The following FTCD variants were observed in gnomAD, a reference collection of about 807,000 sequenced individuals.
FTCD encodes formimidoyltransferase-cyclodeaminase.
Under a neutral mutation model 62.9 loss-of-function variants are expected in FTCD, and 76 were observed. The observed-to-expected ratio is 1.21, with a 90% CI of 1.00 to 1.46. FTCD has a LOEUF of 1.46. Among genes scored for constraint, FTCD ranks in the 40% most tolerant of loss-of-function variants. The pLI, the probability that FTCD is intolerant of heterozygous loss-of-function variation, is 0.00. For synonymous variants in FTCD, 397 were observed against 336.9 expected (o/e 1.18, Z -1.95); for missense variants, 845 against 751.3 (o/e 1.12, Z -1.46).
intron 2 of FTCD, 61 bp from the exon 3 acceptor site, chr21:46,153,096 G>C (rs551682409): frequency 2.9e-5 from 44 of 1,504,254 alleles, no homozygotes; most frequent in Admixed American, 4.0e-5. Flanking sequence ...GGAGCTCCAC[G>C]GGGTTCTCGG....
At chr21:46,144,152 A>G (rs2079074620) in intron 10 of FTCD, among the ~76,000 whole-genome samples, 1 of 150,828 alleles carries the variant, frequency 6.6e-6, no homozygotes. Flanking sequence ...GATGACTCAC[A>G]CTCTTTACCC....
At position 46,145,397 on chromosome 21, in the gene FTCD, C is replaced by T. The variant is rs113218816; in HGVS notation, c.1260+20G>A. The T allele has an allele frequency of 5.9e-6, 9 of 1,532,870 alleles. No individual in the cohort carries two copies. Among genetic ancestry groups the T allele is most frequent in the African/African-American group, 5.5e-5 (4 of 72,866 alleles). The allele number at this position is 1,532,870 out of a possible 1,614,324, so 95.0% of individuals were successfully genotyped here. ...CGCTGTTGGTGGGGCCCGGGGAGCC[C>T]TGCTGTGGCCGCCACTCACCAGGTA... On this transcript the variant is annotated intron_variant, in intron 10 of 13. Coordinates refer to ENST00000397746, the MANE Select transcript of FTCD (RefSeq NM_206965.2).
At chr21:46,147,608 T>A (rs976738281) in intron 7 of FTCD, among the ~76,000 whole-genome samples, 2 of 151,974 alleles carry the variant, frequency 1.3e-5, no homozygotes, top group African/African-American at 4.8e-5. Context: ...CAGCCAGACC[T>A]GTGCAGGCCG....
At position 46,146,272 on chromosome 21, in the gene FTCD, A is replaced by AG. The variant is rs747848507; in HGVS notation, c.961_962insC (p.Ile321ThrfsTer8). 6 of 1,600,100 alleles carry AG rather than the reference A, an allele frequency of 3.7e-6. No individual in the cohort carries two copies. On this transcript the variant is annotated frameshift_variant, in exon 8 of 14. Transcript: ENST00000397746. LOFTEE classifies it high-confidence loss of function. ...CGGGAGGGCAGAGGCTCACTCGATG[A>AG]TCCGCTCCTTAGGGCTGAAGGGGCA...
intron 7 of FTCD, among the ~76,000 whole-genome samples, chr21:46,148,099 A>G (rs2079190916): frequency 6.6e-6 from 1 of 152,170 alleles, no homozygotes; most frequent in African/African-American, 2.4e-5. Context: ...AAACTCTGGA[A>G]TTTCAGTAAT....
At chr21:46,151,517 G>A (rs2079273431) in intron 5 of FTCD, 41 bp downstream of exon 5, 3 of 1,567,612 alleles carry the variant, frequency 1.9e-6, no homozygotes, top group Non-Finnish European at 2.6e-6. Flanking sequence ...CCTTTCCCGA[G>A]GGGCTGGGTG....
At chr21:46,145,725 C>G in intron 9 of FTCD, 93 bp downstream of exon 9, 1 of 286,640 alleles carries the variant, frequency 3.5e-6, no homozygotes, top group Non-Finnish European at 5.7e-6. Context: ...ACCGCGCCCT[C>G]CCCACCCCGT....
At chr21:46,154,885 G>A (rs1556339) in intron 1 of FTCD, among the ~76,000 whole-genome samples, 1 of 152,182 alleles carries the variant, frequency 6.6e-6, no homozygotes, top group East Asian at 1.9e-4. Context: ...CTGGTGCTGC[G>A]CTCTGGGAGG....
intron 5 of FTCD, 80 bp from the exon 6 acceptor site, chr21:46,150,605 T>G: frequency 1.8e-5 from 25 of 1,402,082 alleles, no homozygotes; most frequent in Non-Finnish European, 2.4e-5. Flanking sequence ...GGCACTTGCA[T>G]TCCCCAGCTG....
intron 10 of FTCD, chr21:46,142,721 C>CG (rs1225234297): frequency 2.0e-5 from 3 of 152,246 alleles, no homozygotes; most frequent in African/African-American, 7.2e-5. Context: ...TTGCTGGTTT[C>CG]GGTGGCCAGC....
downstream of FTCD, chr21:46,136,473 G>A (rs777294350): frequency 1.2e-6 from 2 of 1,612,634 alleles, no homozygotes; most frequent in Admixed American, 3.3e-5. Context: ...CAGCGTCGAA[G>A]GTCCTGCTGT....
Position 46,150,114 on chromosome 21 carries a change from C to T in FTCD, c.906+5G>A, listed in dbSNP as rs1468591648. ...GTCCGACCCTTCCTCGGCAGCCCGG[C>T]CCACCAGCCTGATCCGCTGCTCCTC... On this transcript the variant is annotated splice_donor_5th_base_variant and intron_variant, in intron 7 of 13. Transcript: ENST00000397746. The T allele has an allele frequency of 5.0e-6, 8 of 1,609,638 alleles. No homozygotes were observed. The highest frequency in any genetic ancestry group is 5.9e-6 in the Non-Finnish European group (7 of 1,179,022).
chr21:46,143,477 C>G (rs1357978793), intron 10 of FTCD, among the ~76,000 whole-genome samples: 2 of 151,944 alleles, frequency 1.3e-5, no homozygotes, highest in Non-Finnish European at 2.9e-5. Context: ...AAGAGTTGTA[C>G]TAGATATAGA....
chr21:46,152,083 G>C lies in FTCD; in HGVS notation c.368-103C>G. ...GCTCCCTCCAGCCTAACCCAGGAAT[G>C]GGCCTCTACTGCACCCTCTCCTGGG... On this transcript the variant is annotated intron_variant, in intron 3 of 13. Transcript: ENST00000397746. The C allele has an allele frequency of 6.4e-6, 5 of 786,390 alleles. No homozygotes were observed. In the South Asian group the frequency reaches 8.1e-5, roughly 13 times the overall value. The allele number at this position is 786,390 out of a possible 1,614,324, so 48.7% of individuals were successfully genotyped here.
At chr21:46,136,720 C>T (rs1284542254), downstream of FTCD, 61 of 1,475,846 alleles carry the variant, frequency 4.1e-5, no homozygotes, top group Non-Finnish European at 5.2e-5. Context: ...TGCTCCTGCC[C>T]CAAGACCCGC....
intron 12 of FTCD, 66 bp from the exon 13 acceptor site, chr21:46,137,400 T>C: frequency 1.6e-6 from 2 of 1,219,204 alleles, no homozygotes; most frequent in Non-Finnish European, 2.4e-6. Flanking sequence ...GGAGGGTCTC[T>C]GCCTGACGGG....
In FTCD at chr21:46,154,367, C is replaced by T. The variant is rs548939984; in HGVS notation, c.55-35G>A. 3.1e-6 allele frequency: 5 copies of T among 1,592,046 alleles called. No individual in the cohort carries two copies. The Admixed American group carries it at 5.2e-5, about 17-fold the overall frequency. ...AGGCCCGGCCCCCACACCTCAGTCT[C>T]CCCGTTTGAAAGAAGGAAAAGGAGC... On this transcript the variant is annotated intron_variant, in intron 1 of 13. Transcript: ENST00000397746.
At chr21:46,137,203 C>A (rs772483882) in intron 13 of FTCD, 36 bp downstream of exon 13, 2 of 1,582,928 alleles carry the variant, frequency 1.3e-6, no homozygotes, top group East Asian at 2.2e-5. Flanking sequence ...CAGGCCCCCA[C>A]GTGGGGTCCG....
chr21:46,153,330 T>G (rs1266973590), intron 2 of FTCD, among the ~76,000 whole-genome samples: 1 of 152,178 alleles, frequency 6.6e-6, no homozygotes, highest in Non-Finnish European at 1.5e-5. Flanking sequence ...GTCTGGCATC[T>G]CTGGGATAAA....
Sources: allele counts gnomAD v4.1 joint callset (sites outside exome capture counted in the v4.1 genomes callset), GRCh38; gene constraint gnomAD v4.1.1; transcripts MANE v1.5; gene names NCBI Gene and HGNC (gene_info 2026-07-23, HGNC 2026-07-21).